Variants in KLF13 observed in about 807,000 individuals in gnomAD.
KLF13 encodes the protein KLF transcription factor 13.
KLF13 carries 8 observed loss-of-function variants against 16.7 expected under a neutral mutation model. The ratio of observed to expected loss-of-function variants is 0.48; its 90% CI spans 0.28 to 0.87. The LOEUF (loss-of-function observed/expected upper bound fraction) is 0.87, where lower values mean the gene tolerates loss of function less well. Among genes scored for constraint, KLF13 ranks in the 40% least tolerant of loss-of-function variants. KLF13 has a pLI of 0.10. For missense variants in KLF13, 447 were observed against 452.2 expected (o/e 0.99, Z 0.10); for synonymous variants, 245 against 208.4 (o/e 1.18, Z -1.51).
intron 1 of KLF13, among the ~76,000 whole-genome samples, chr15:31,387,514 A>G (rs1163131902): frequency 6.6e-6 from 1 of 152,270 alleles, no homozygotes; most frequent in Non-Finnish European, 1.5e-5. Context: ...TTTTATATGC[A>G]CTGGGAAACC....
At chr15:31,396,313 G>A (rs1195302736) in intron 2 of KLF13, among the ~76,000 whole-genome samples, 1 of 152,054 alleles carries the variant, frequency 6.6e-6, no homozygotes, top group Non-Finnish European at 1.5e-5. Context: ...ATGAGCCACC[G>A]TGCCCGGCCT....
At chr15:31,415,443 C>T (rs2141004359) in intron 1 of KLF13, among the ~76,000 whole-genome samples, 1 of 152,234 alleles carries the variant, frequency 6.6e-6, no homozygotes, top group Admixed American at 6.5e-5. Context: ...AATATGTTCT[C>T]TGACCACAAT....
intron 1 of KLF13, among the ~76,000 whole-genome samples, chr15:31,419,087 G>T (rs911174742): frequency 1.3e-5 from 2 of 152,206 alleles, no homozygotes; most frequent in African/African-American, 4.8e-5. Context: ...GAAGGCAAAT[G>T]AGGAGCTGGT....
At chr15:31,332,071 A>G (rs895400240) in intron 1 of KLF13, among the ~76,000 whole-genome samples, 2 of 152,022 alleles carry the variant, frequency 1.3e-5, no homozygotes, top group Non-Finnish European at 2.9e-5. Flanking sequence ...TTTTTCTGCT[A>G]TTACAAGTTG....
chr15:31,357,527 C>T (rs1482475256), intron 1 of KLF13, among the ~76,000 whole-genome samples: 2 of 152,216 alleles, frequency 1.3e-5, no homozygotes, highest in Admixed American at 1.3e-4. Flanking sequence ...TGTTCTGCTC[C>T]TGCCTGGGGG....
At chr15:31,356,482 A>T (rs1276335233) in intron 1 of KLF13, among the ~76,000 whole-genome samples, 1 of 152,156 alleles carries the variant, frequency 6.6e-6, no homozygotes. Context: ...AACCCGGGAG[A>T]CAGAGGTTTC....
chr15:31,347,703 G>T (rs868397850), intron 1 of KLF13, among the ~76,000 whole-genome samples: 53 of 152,340 alleles, frequency 3.5e-4, no homozygotes, highest in South Asian at 8.3e-4. Flanking sequence ...CAGTGGCTGG[G>T]CCCAAAGGCT....
chr15:31,370,837 T>A (rs2039545909), intron 1 of KLF13, among the ~76,000 whole-genome samples: 1 of 152,248 alleles, frequency 6.6e-6, no homozygotes, highest in Non-Finnish European at 1.5e-5. Flanking sequence ...TTCTCTTTCC[T>A]GGCTTCACTC....
At chr15:31,343,092 C>T (rs900968040) in intron 1 of KLF13, among the ~76,000 whole-genome samples, 2 of 152,208 alleles carry the variant, frequency 1.3e-5, no homozygotes, top group African/African-American at 2.4e-5. Flanking sequence ...AGGAGGACGC[C>T]GAGGCACATA....
chr15:31,377,931 T>G (rs1260667681), downstream of KLF13: 1 of 152,462 alleles, frequency 6.6e-6, no homozygotes, highest in Non-Finnish European at 1.5e-5. Context: ...GAAGAGCATG[T>G]CTTGCAGAGG....
chr15:31,422,066 G>A (rs147008989), intron 1 of KLF13, among the ~76,000 whole-genome samples: 2,355 of 150,294 alleles, frequency 0.016, 45 homozygotes, highest in African/African-American at 0.046. Context: ...AGTGAGCTGA[G>A]ACCATGCCAC....
At chr15:31,355,164 A>G (rs978704241) in intron 1 of KLF13, among the ~76,000 whole-genome samples, 2 of 152,230 alleles carry the variant, frequency 1.3e-5, no homozygotes, top group African/African-American at 2.4e-5. Context: ...GAAACAATCA[A>G]CAGTGCTACT....
intron 1 of KLF13, among the ~76,000 whole-genome samples, chr15:31,360,999 G>A (rs990436547): frequency 1.3e-5 from 2 of 152,196 alleles, no homozygotes; most frequent in African/African-American, 2.4e-5. Flanking sequence ...GCCTGGTAGC[G>A]CTGGGCCCTT....
chr15:31,392,316 G>A (rs2039882989), upstream of KLF13, among the ~76,000 whole-genome samples: 1 of 152,234 alleles, frequency 6.6e-6, no homozygotes, highest in Non-Finnish European at 1.5e-5. Flanking sequence ...TGTACCGCGG[G>A]CAGCGACTAT....
intron 1 of KLF13, among the ~76,000 whole-genome samples, chr15:31,366,987 G>A (rs974530616): frequency 1.3e-5 from 2 of 152,250 alleles, no homozygotes; most frequent in Non-Finnish European, 2.9e-5. Context: ...GCGTGCTTGG[G>A]TTGAAGACCT....
intron 1 of KLF13, among the ~76,000 whole-genome samples, chr15:31,349,343 G>A (rs2039179635): frequency 6.6e-6 from 1 of 152,224 alleles, no homozygotes; most frequent in African/African-American, 2.4e-5. Context: ...ATTATGACAT[G>A]TTTCCCCAGA....
intron 1 of KLF13, among the ~76,000 whole-genome samples, chr15:31,417,039 C>T (rs2040263737): frequency 6.6e-6 from 1 of 152,070 alleles, no homozygotes. Context: ...AAGTGGGTTC[C>T]TTACAAAAGG....
intron 1 of KLF13, among the ~76,000 whole-genome samples, chr15:31,410,623 A>C (rs901562004): frequency 6.3e-5 from 9 of 142,006 alleles, no homozygotes; most frequent in Non-Finnish European, 1.1e-4. Context: ...ACACACACAC[A>C]CACCCCTATA....
chr15:31,425,677 G>A (rs1314197663), intron 1 of KLF13, among the ~76,000 whole-genome samples: 2 of 152,148 alleles, frequency 1.3e-5, no homozygotes, highest in Non-Finnish European at 2.9e-5. Context: ...AGAAGTTTGA[G>A]AGCAGCCTGG....
Sources: allele counts gnomAD v4.1 joint callset (sites outside exome capture counted in the v4.1 genomes callset), GRCh38; gene constraint gnomAD v4.1.1; transcripts MANE v1.5; gene names NCBI Gene and HGNC (gene_info 2026-07-23, HGNC 2026-07-21).